PTPRK: variants seen among roughly 807,000 people sequenced by gnomAD.
PTPRK encodes protein tyrosine phosphatase receptor type K.
A neutral mutation model predicts 178.0 loss-of-function variants in PTPRK; 75 were observed. The observed-to-expected ratio is 0.42, with a 90% confidence interval of 0.35 to 0.51. The LOEUF (loss-of-function observed/expected upper bound fraction) is 0.51, where lower values mean the gene tolerates loss of function less well. PTPRK is among the 20% of genes least tolerant of loss of function. PTPRK has a pLI of 0.02. For synonymous variants in PTPRK, 637 were observed against 620.6 expected (o/e 1.03, Z -0.39); for missense variants, 1,441 against 1,797.8 (o/e 0.80, Z 3.59).
intron 3 of PTPRK, among the ~76,000 whole-genome samples, chr6:128,318,643 C>T (rs1241385735): frequency 6.6e-6 from 1 of 152,132 alleles, no homozygotes; most frequent in East Asian, 1.9e-4. Context: ...AATAGTTTTG[C>T]AAGTTACATA....
intron 14 of PTPRK, among the ~76,000 whole-genome samples, chr6:128,005,787 G>C (rs1371387546): frequency 1.8e-4 from 1 of 5,608 alleles, no homozygotes; most frequent in Non-Finnish European, 3.6e-4. Context: ...TTTGGCTCTA[G>C]ACTAAAGCTA....
chr6:128,355,015 T>C (rs1833769244), intron 2 of PTPRK, among the ~76,000 whole-genome samples: 1 of 152,230 alleles, frequency 6.6e-6, no homozygotes, highest in Non-Finnish European at 1.5e-5. Context: ...TTTTAATGAA[T>C]GTTAACACTT....
intron 1 of PTPRK, among the ~76,000 whole-genome samples, chr6:128,423,152 A>G (rs1039641660): frequency 1.3e-5 from 2 of 152,268 alleles, no homozygotes; most frequent in African/African-American, 4.8e-5. Context: ...CAATCTAAAA[A>G]TAAAAAAGGA....
intron 7 of PTPRK, among the ~76,000 whole-genome samples, chr6:128,148,017 A>T (rs550716221): frequency 6.6e-6 from 1 of 152,310 alleles, no homozygotes; most frequent in Middle Eastern, 3.4e-3. Flanking sequence ...ATTTGAGTTG[A>T]CTGCTAAACT....
rs151158781 is a variant in PTPRK at position 128,177,690 on chromosome 6, G to C, written c.1162+6742C>G. The stretch of plus-strand genomic sequence containing the variant: ...ATGACTAACTGTACAACCTGCTCCT[G>C]AGGTGAAACCCAAAAGGTACTGGGC... On this transcript the variant is annotated intron_variant, in intron 7 of 29. Transcript: ENST00000368226. 2.0e-4 allele frequency among the ~76,000 whole-genome samples: 31 copies of C among 151,830 alleles called. No homozygotes were observed. The East Asian group carries it at 3.5e-3, about 17-fold the overall frequency.
intron 5 of PTPRK, among the ~76,000 whole-genome samples, chr6:128,223,989 C>T (rs1482206171): frequency 6.6e-6 from 1 of 152,168 alleles, no homozygotes; most frequent in African/African-American, 2.4e-5. Context: ...GCTTTCTTTA[C>T]TTGGCTTCCA....
At chr6:128,285,708 GAC>G (rs539549833) in intron 3 of PTPRK, among the ~76,000 whole-genome samples, 12 of 151,944 alleles carry the variant, frequency 7.9e-5, no homozygotes, top group Non-Finnish European at 1.8e-4. Context: ...GGGAGGCTGA[GAC>G]AGGAGAATTC....
At chr6:128,401,255 C>T (rs574873461) in intron 1 of PTPRK, among the ~76,000 whole-genome samples, 2 of 152,132 alleles carry the variant, frequency 1.3e-5, no homozygotes, top group African/African-American at 2.4e-5. Flanking sequence ...CTTTTTACTC[C>T]GAAACTGCTC....
intron 2 of PTPRK, among the ~76,000 whole-genome samples, chr6:128,339,711 T>C (rs1180537047): frequency 1.3e-5 from 2 of 151,954 alleles, no homozygotes; most frequent in Admixed American, 6.6e-5. Context: ...TGAACATAAG[T>C]AAATAAATGA....
At chr6:128,005,661 AC>A in intron 14 of PTPRK, among the ~76,000 whole-genome samples, 1 of 616 alleles carries the variant, frequency 1.6e-3, no homozygotes, top group Non-Finnish European at 3.1e-3. Flanking sequence ...AACATGACTA[AC>A]TTTTCAAGTC....
At chr6:128,046,831 T>C (rs910854073) in intron 13 of PTPRK, among the ~76,000 whole-genome samples, 1 of 152,158 alleles carries the variant, frequency 6.6e-6, no homozygotes, top group Non-Finnish European at 1.5e-5. Flanking sequence ...AGTCAAAAAG[T>C]TTCTAAACGC....
chr6:128,447,606 GT>G (rs1448357687), intron 1 of PTPRK, among the ~76,000 whole-genome samples: 12 of 151,402 alleles, frequency 7.9e-5, no homozygotes, highest in Admixed American at 5.9e-4. Context: ...CCATTTTTGA[GT>G]GTGCAGATTC....
chr6:128,073,677 AG>A (rs1423704319), intron 11 of PTPRK, among the ~76,000 whole-genome samples: 1 of 152,002 alleles, frequency 6.6e-6, no homozygotes. Context: ...CTGGGATTCT[AG>A]AGGCCAGAAA....
At chr6:128,239,920 C>T (rs1416120275) in intron 5 of PTPRK, 115 bp downstream of exon 5, 20 of 678,690 alleles carry the variant, frequency 2.9e-5, no homozygotes, top group Admixed American at 6.1e-5. Flanking sequence ...CCACTACATG[C>T]GTGTGCACAC....
intron 1 of PTPRK, among the ~76,000 whole-genome samples, chr6:128,472,368 G>A (rs1377494066): frequency 6.7e-6 from 1 of 149,018 alleles, no homozygotes; most frequent in Non-Finnish European, 1.5e-5. Context: ...TGTTTGTTTT[G>A]TTTTTTGACA....
At chr6:128,493,835 C>T (rs1315816993) in intron 1 of PTPRK, among the ~76,000 whole-genome samples, 1 of 152,170 alleles carries the variant, frequency 6.6e-6, no homozygotes, top group East Asian at 1.9e-4. Flanking sequence ...ATCTATGATG[C>T]TTTATCCAAC....
chr6:128,209,018 C>T (rs1807555166), intron 6 of PTPRK, among the ~76,000 whole-genome samples: 1 of 152,094 alleles, frequency 6.6e-6, no homozygotes, highest in African/African-American at 2.4e-5. Context: ...TGTCATTACA[C>T]AATGCTTTAA....
intron 7 of PTPRK, among the ~76,000 whole-genome samples, chr6:128,138,839 G>T (rs1362276193): frequency 6.6e-6 from 1 of 151,958 alleles, no homozygotes; most frequent in Non-Finnish European, 1.5e-5. Flanking sequence ...GAAACTTAAT[G>T]GACATGTTCT....
At chr6:128,262,643 T>C (rs1818340618) in intron 3 of PTPRK, among the ~76,000 whole-genome samples, 1 of 152,072 alleles carries the variant, frequency 6.6e-6, no homozygotes, top group South Asian at 2.1e-4. Flanking sequence ...AACTAAACTC[T>C]CAGTTGCTTT....
Sources: allele counts gnomAD v4.1 joint callset (sites outside exome capture counted in the v4.1 genomes callset), GRCh38; gene constraint gnomAD v4.1.1; transcripts MANE v1.5; gene names NCBI Gene and HGNC (gene_info 2026-07-23, HGNC 2026-07-21).